DIAPH2: variants seen among roughly 807,000 people sequenced by gnomAD.
DIAPH2 encodes protein diaphanous homolog 2.
A neutral mutation model predicts 92.7 loss-of-function variants in DIAPH2; 35 were observed. That is an observed-to-expected ratio of 0.38 (90% CI 0.29 to 0.50). The LOEUF is 0.50. DIAPH2 is among the 20% of genes least tolerant of loss of function. DIAPH2 has a pLI of 0.94. For synonymous variants in DIAPH2, 301 were observed against 280.4 expected (o/e 1.07, Z -0.73); for missense variants, 701 against 819.5 (o/e 0.86, Z 1.77).
Position 97,383,919 on chromosome X carries a change from G to A in DIAPH2, c.3020G>A (p.Arg1007Lys), listed in dbSNP as rs760613198. 8.4e-7 allele frequency: 1 copy of A among 1,196,376 alleles called. No homozygotes were observed. Among genetic ancestry groups the A allele is most frequent in the South Asian group, 1.9e-5 (1 of 53,477 alleles). ...NFRTLFLEAVRENNKRREMEE... is the reference protein window; with the variant it reads ...NFRTLFLEAVKENNKRREMEE... ...TGTTTATATGTATAGGAAGCAGTGA[G>A]AGAAAACAATAAGAGAAGAGAAATG... The change falls in exon 25 of 27, where the codon AGA (arginine) becomes AAA (lysine). Residue 1007 changes from arginine (R) to lysine (K), a missense_variant. By Grantham distance (26) the Arg-to-Lys change is conservative (BLOSUM62 2). Coordinates refer to ENST00000324765, the MANE Select transcript of DIAPH2 (RefSeq NM_006729.5).
At chrX:97,275,263 G>C (rs1166354693) in intron 23 of DIAPH2, among the ~76,000 whole-genome samples, 1 of 104,494 alleles carries the variant, frequency 9.6e-6, no homozygotes, top group Non-Finnish European at 2.0e-5. Context: ...CGGCTGGCCG[G>C]GCAGGGGCTG....
chrX:97,326,718 G>T (rs2068954132), intron 23 of DIAPH2, among the ~76,000 whole-genome samples: 1 of 112,497 alleles, frequency 8.9e-6, no homozygotes, highest in Non-Finnish European at 1.9e-5. Context: ...CTGCATGATT[G>T]ATTAGTATCC....
At chrX:97,132,070 A>G (rs931385352) in intron 21 of DIAPH2, among the ~76,000 whole-genome samples, 3 of 111,929 alleles carry the variant, frequency 2.7e-5, no homozygotes, top group Non-Finnish European at 1.9e-5. Context: ...GGAAGGTGGC[A>G]ATTGAGATGA....
At chrX:96,826,812 C>G (rs1340508275) in intron 4 of DIAPH2, among the ~76,000 whole-genome samples, 1 of 111,623 alleles carries the variant, frequency 9.0e-6, no homozygotes, top group African/African-American at 3.3e-5. Flanking sequence ...GACTTAAACC[C>G]CTAGGCCCAA....
intron 17 of DIAPH2, among the ~76,000 whole-genome samples, chrX:97,026,323 A>G (rs1045877529): frequency 8.9e-6 from 1 of 112,460 alleles, no homozygotes; most frequent in Non-Finnish European, 1.9e-5. Context: ...AAAGTAACCA[A>G]TGTAGTAAAT....
rs1489330107 is a variant in DIAPH2 at position 96,751,899 on chromosome X, C to A, written c.343-6255C>A. Reference sequence around the variant, plus strand: ...CGATCTCCTGACCTCGTGATCCGCCCGCCTCGGCCTCCCAAAGTGCTGGTA... The same window carrying A: ...CGATCTCCTGACCTCGTGATCCGCCAGCCTCGGCCTCCCAAAGTGCTGGTA... On this transcript the variant is annotated intron_variant, in intron 3 of 26. Coordinates refer to ENST00000324765, the MANE Select transcript of DIAPH2 (RefSeq NM_006729.5). 2.1e-5 allele frequency among the ~76,000 whole-genome samples: 2 copies of A among 97,050 alleles called. 1 individual carries two copies. The highest frequency in any genetic ancestry group is 2.2e-4 in the Admixed American group (2 of 9,184). The allele number at this position is 97,050 out of a possible 115,157, so 84.3% of individuals were successfully genotyped here. A position where few individuals can be genotyped will look rare whatever the true frequency, so the allele number is the denominator to read the frequency against.
chrX:97,081,589 G>C (rs5966952), intron 19 of DIAPH2: 4,309 of 111,250 alleles, frequency 0.039, 82 homozygotes, highest in Non-Finnish European at 0.057. Context: ...GGAGGCTGAA[G>C]CGGGTGGATC....
In DIAPH2 at chrX:96,808,521, A is replaced by C. The variant is rs766012642; in HGVS notation, c.447+50263A>C. Among the ~76,000 whole-genome samples, 12 of 111,941 alleles carry C rather than the reference A, an allele frequency of 1.1e-4. No individual in the cohort carries two copies. In the East Asian group the frequency reaches 3.1e-3, roughly 29 times the overall value. On this transcript the variant is annotated intron_variant, in intron 4 of 26. Transcript: ENST00000324765. ...AAAAATGTATGCACATCACATAAAC[A>C]TGGTAATGCTCAATTGTCCATTAAG...
rs1412086455 is a variant in DIAPH2 at position 96,735,742 on chromosome X, T to G, written c.133-16T>G. On this transcript the variant is annotated splice_polypyrimidine_tract_variant and intron_variant, in intron 1 of 26. Transcript: ENST00000324765. The stretch of plus-strand genomic sequence containing the variant: ...CTGATGGGTTTTTTTTGTTTGTTTC[T>G]TTTTGGTTTTAATAGAACATTCAAA... 3 of 1,038,292 alleles carry G rather than the reference T, an allele frequency of 2.9e-6. No individual in the cohort carries two copies. Among genetic ancestry groups the G allele is most frequent in the East Asian group, 3.1e-5 (1 of 31,758 alleles). 85.6% of individuals were successfully genotyped at this position (1,038,292 alleles called of 1,213,427 possible). A position where few individuals can be genotyped will look rare whatever the true frequency, so the allele number is the denominator to read the frequency against.
chrX:97,047,007 G>A (rs1362020237), intron 17 of DIAPH2, among the ~76,000 whole-genome samples: 1 of 110,929 alleles, frequency 9.0e-6, no homozygotes, highest in Non-Finnish European at 1.9e-5. Context: ...AGATGGAGAA[G>A]TTAAACTGAG....
intron 17 of DIAPH2, among the ~76,000 whole-genome samples, chrX:96,970,669 G>T (rs1231123472): frequency 9.0e-6 from 1 of 110,575 alleles, no homozygotes; most frequent in Non-Finnish European, 1.9e-5. Context: ...CATTTATCTT[G>T]TTTATGCATT....
chrX:97,506,377 C>T (rs1297239093), intron 26 of DIAPH2, among the ~76,000 whole-genome samples: 1 of 106,604 alleles, frequency 9.4e-6, no homozygotes, highest in Non-Finnish European at 1.9e-5. Flanking sequence ...TCTGGAACTC[C>T]TGACCTCAGG....
intron 23 of DIAPH2, among the ~76,000 whole-genome samples, chrX:97,331,232 G>A (rs1240833664): frequency 9.0e-6 from 1 of 111,677 alleles, no homozygotes; most frequent in African/African-American, 3.3e-5. Context: ...GGAAAGAAAA[G>A]AAAAGAAATG....
chrX:97,436,046 C>T (rs987636340), intron 26 of DIAPH2, among the ~76,000 whole-genome samples: 1 of 111,031 alleles, frequency 9.0e-6, no homozygotes, highest in Non-Finnish European at 1.9e-5. Flanking sequence ...ACCTCGTGAT[C>T]CACCCTCCTT....
At chrX:97,211,445 G>T (rs1348205380) in intron 22 of DIAPH2, among the ~76,000 whole-genome samples, 1 of 111,402 alleles carries the variant, frequency 9.0e-6, no homozygotes, top group African/African-American at 3.3e-5. Context: ...TGGTATAGGC[G>T]GGAGGTGGAG....
rs375039543 is a variant in DIAPH2, at chrX:96,939,352, T to G, written c.1295T>G (p.Phe432Cys). The change falls in exon 12 of 27, where the codon TTT becomes TGT. Residue 432 changes from phenylalanine to cysteine, a missense_variant. Physicochemically the swap from Phe to Cys is radical, Grantham distance 205. This residue lies in a region of DIAPH2 where 536 missense variants were observed against 599.3 expected (regional missense o/e 0.89). Coordinates refer to ENST00000324765, the MANE Select transcript of DIAPH2 (RefSeq NM_006729.5). ...ENYFLSILQH[F>C]LLIRNDYYIR... ...TACTTCTTATCTATTCTACAACATT[T>G]TTTGCTTATCAGAAATGATTATTAT... 1.8e-5 allele frequency: 20 copies of G among 1,120,177 alleles called. No homozygotes were observed. Among genetic ancestry groups the G allele is most frequent in the Non-Finnish European group, 2.2e-5 (18 of 819,121 alleles). The allele number at this position is 1,120,177 out of a possible 1,213,427, so 92.3% of individuals were successfully genotyped here.
intron 17 of DIAPH2, among the ~76,000 whole-genome samples, chrX:97,030,960 T>C (rs1258474484): frequency 8.9e-6 from 1 of 112,029 alleles, no homozygotes; most frequent in East Asian, 2.8e-4. Context: ...ACTTTGTGCC[T>C]TTACTTGTCA....
chrX:97,594,492 G>A (rs1234832198), intron 26 of DIAPH2, among the ~76,000 whole-genome samples: 17 of 112,604 alleles, frequency 1.5e-4, no homozygotes. Flanking sequence ...ATCAGTGCTT[G>A]GGATGCAAAT....
chrX:96,782,669 A>G (rs1043801444), intron 4 of DIAPH2, among the ~76,000 whole-genome samples: 1 of 111,314 alleles, frequency 9.0e-6, no homozygotes, highest in Non-Finnish European at 1.9e-5. Context: ...CCTGGGCTCA[A>G]GCGATCTGCC....
Sources: allele counts gnomAD v4.1 joint callset (sites outside exome capture counted in the v4.1 genomes callset), GRCh38; gene constraint gnomAD v4.1.1; regional missense constraint gnomAD v4.1.1; transcripts MANE v1.5; gene names NCBI Gene and HGNC (gene_info 2026-07-23, HGNC 2026-07-21).